The following KBTBD11 variants were observed in gnomAD, a reference collection of about 807,000 sequenced individuals.
KBTBD11 encodes the protein kelch repeat and BTB domain containing 11, also known as kelch repeat and BTB domain-containing protein 11.
For missense variants in KBTBD11, 1,390 were observed against 1,001.8 expected, an observed-to-expected ratio of 1.39 and a Z score of -5.23; for synonymous variants, 747 against 499.0, an observed-to-expected ratio of 1.50 and a Z score of -6.63.
chr8:1,998,816 C>G (rs1428909852), intron 1 of KBTBD11, among the ~76,000 whole-genome samples: 1 of 152,226 alleles, frequency 6.6e-6, no homozygotes, highest in Non-Finnish European at 1.5e-5. Flanking sequence ...TGGAAAGACT[C>G]TGCAGTCTTC....
At chr8:1,998,817 T>C (rs1817238231) in intron 1 of KBTBD11, among the ~76,000 whole-genome samples, 1 of 152,246 alleles carries the variant, frequency 6.6e-6, no homozygotes, top group Non-Finnish European at 1.5e-5. Context: ...GGAAAGACTC[T>C]GCAGTCTTCA....
In KBTBD11 at chr8:2,001,453, C is replaced by T. The variant is rs938022467; in HGVS notation, c.261C>T (p.Ser87=). ...QWEAGSAGAA[S]PEELASPEER... The stretch of plus-strand genomic sequence containing the variant: ...AGGCCGGCAGCGCGGGCGCCGCGTC[C>T]CCGGAGGAGCTCGCGTCCCCTGAGG... The change falls in exon 2 of 2, where the codon TCC becomes TCT. Residue 87 remains serine (S), a synonymous_variant. Coordinates refer to ENST00000320248, the MANE Select transcript of KBTBD11 (RefSeq NM_014867.3). 3 of 1,361,052 alleles carry T rather than the reference C, an allele frequency of 2.2e-6. No homozygotes were observed. The highest frequency in any genetic ancestry group is 2.8e-6 in the Non-Finnish European group (3 of 1,065,544). The allele number at this position is 1,361,052 out of a possible 1,614,324, so 84.3% of individuals were successfully genotyped here.
chr8:2,001,659 CG>C lies in KBTBD11; in HGVS notation c.469del (p.Val157CysfsTer23). ...GGGCGCCGGCTGCGCGCGCACAAGG[CG>C]GTGCTGGCGGCGCGCAGCGACTACT... ...VSGRRLRAHK[A>X]VLAARSDYFR... On this transcript the variant is annotated frameshift_variant, in exon 2 of 2. Transcript: ENST00000320248. LOFTEE classifies it low-confidence loss of function (END_TRUNC). 6.8e-7 allele frequency: 1 copy of C among 1,468,116 alleles called. No homozygotes were observed. The highest frequency in any genetic ancestry group is 1.5e-5 in the African/African-American group (1 of 67,998). 90.9% of individuals were successfully genotyped at this position (1,468,116 alleles called of 1,614,324 possible). A position where few individuals can be genotyped will look rare whatever the true frequency, so the allele number is the denominator to read the frequency against.
At chr8:1,981,535 T>C (rs995609594) in intron 1 of KBTBD11, among the ~76,000 whole-genome samples, 1 of 152,182 alleles carries the variant, frequency 6.6e-6, no homozygotes, top group Non-Finnish European at 1.5e-5. Context: ...GACACCCCAA[T>C]AGCTCGTAAA....
chr8:1,985,495 C>T (rs1383030530), intron 1 of KBTBD11, among the ~76,000 whole-genome samples: 2 of 152,284 alleles, frequency 1.3e-5, no homozygotes, highest in Non-Finnish European at 2.9e-5. Context: ...CGGCAAGCCA[C>T]ACACGGCAGC....
chr8:1,974,581 C>G (rs891747290), intron 1 of KBTBD11: 1 of 985,006 alleles, frequency 1.0e-6, no homozygotes, highest in Non-Finnish European at 1.2e-6. Context: ...TGCTGACCCC[C>G]GCGAGCCCCG....
chr8:1,992,618 T>G (rs963686046), intron 1 of KBTBD11, among the ~76,000 whole-genome samples: 3 of 152,034 alleles, frequency 2.0e-5, no homozygotes, highest in African/African-American at 7.3e-5. Context: ...AAAAAAAAAT[T>G]CATCCCAATC....
At chr8:1,989,536 G>A (rs1206513287) in intron 1 of KBTBD11, among the ~76,000 whole-genome samples, 1 of 152,130 alleles carries the variant, frequency 6.6e-6, no homozygotes, top group Non-Finnish European at 1.5e-5. Flanking sequence ...AAGGAATGAT[G>A]GAGTCACTAA....
intron 1 of KBTBD11, among the ~76,000 whole-genome samples, chr8:1,981,840 T>C (rs1167869471): frequency 2.6e-5 from 4 of 152,198 alleles, no homozygotes; most frequent in East Asian, 3.8e-4. Flanking sequence ...GACTGAGTTA[T>C]TCTATTCGCT....
Position 2,002,330 on chromosome 8 carries a change from G to T in KBTBD11, c.1138G>T (p.Asp380Tyr). 1.4e-6 allele frequency: 2 copies of T among 1,402,892 alleles called. No homozygotes were observed. The highest frequency in any genetic ancestry group is 2.7e-5 in the South Asian group (2 of 74,684). The allele number at this position is 1,402,892 out of a possible 1,614,324, so 86.9% of individuals were successfully genotyped here. A position where few individuals can be genotyped will look rare whatever the true frequency, so the allele number is the denominator to read the frequency against. Residue 380 changes from aspartate to tyrosine, a missense_variant, in exon 2 of 2, where the codon GAC (aspartate) becomes TAC (tyrosine). By Grantham distance (160) the Asp-to-Tyr change is radical (BLOSUM62 -3). Transcript: ENST00000320248. The surrounding 1 kb of genome is among the most constrained non-coding windows in gnomAD (Gnocchi z 4.1). ...AGPDGRARPS[D>Y]QVFCYNPATD... ...CCCCGACGGCCGCGCGCGCCCGTCCGACCAGGTCTTCTGCTACAACCCGGC... is the reference window on the plus strand; with the variant it reads ...CCCCGACGGCCGCGCGCGCCCGTCCTACCAGGTCTTCTGCTACAACCCGGC...
Position 2,001,436 on chromosome 8 carries a change from AGCGCGG to A in KBTBD11, c.249_254del (p.Gly84_Ala85del). 7.4e-7 allele frequency: 1 copy of A among 1,358,652 alleles called. No homozygotes were observed. The highest frequency in any genetic ancestry group is 9.4e-7 in the Non-Finnish European group (1 of 1,063,582). The allele number at this position is 1,358,652 out of a possible 1,614,324, so 84.2% of individuals were successfully genotyped here. On this transcript the variant is annotated inframe_deletion, in exon 2 of 2. Coordinates refer to ENST00000320248, the MANE Select transcript of KBTBD11 (RefSeq NM_014867.3). ...GGTGGAGCGGCAGTGGGAGGCCGGC[AGCGCGG>A]GCGCCGCGTCCCCGGAGGAGCTCGC...
At chr8:1,993,486 C>G (rs1363255783) in intron 1 of KBTBD11, among the ~76,000 whole-genome samples, 1 of 89,028 alleles carries the variant, frequency 1.1e-5, no homozygotes, top group African/African-American at 3.3e-5. Flanking sequence ...TCCATCTATC[C>G]GTCCATCCGT....
At chr8:1,976,469 G>T (rs1384405011) in intron 1 of KBTBD11, 2 of 152,174 alleles carry the variant, frequency 1.3e-5, no homozygotes, top group African/African-American at 4.8e-5. Context: ...TGTTGTCTTG[G>T]AAATAGAAAC....
At chr8:1,988,826 T>G (rs1816783977) in intron 1 of KBTBD11, among the ~76,000 whole-genome samples, 1 of 151,348 alleles carries the variant, frequency 6.6e-6, no homozygotes, top group Non-Finnish European at 1.5e-5. Flanking sequence ...CATATATGTC[T>G]GCTAAGTAAA....
At chr8:1,977,786 T>G (rs2129307999) in intron 1 of KBTBD11, among the ~76,000 whole-genome samples, 1 of 152,318 alleles carries the variant, frequency 6.6e-6, no homozygotes, top group South Asian at 2.1e-4. Flanking sequence ...TCTTCCTGCC[T>G]TGGCCTCCCA....
intron 1 of KBTBD11, among the ~76,000 whole-genome samples, chr8:1,982,446 A>G (rs1170303336): frequency 6.6e-6 from 1 of 152,168 alleles, no homozygotes; most frequent in African/African-American, 2.4e-5. Context: ...TCTCCAATCA[A>G]GAGACATAGA....
At chr8:1,985,445 A>G (rs987681942) in intron 1 of KBTBD11, among the ~76,000 whole-genome samples, 1 of 152,224 alleles carries the variant, frequency 6.6e-6, no homozygotes, top group Non-Finnish European at 1.5e-5. Flanking sequence ...TCCAGGGGAG[A>G]TGCTCTTCCA....
rs959438373 is a variant in KBTBD11 at position 2,003,363 on chromosome 8, G to A, written c.*299G>A. On this transcript the variant is annotated 3_prime_UTR_variant, in exon 2 of 2. Transcript: ENST00000320248. ...GGGTCAGCCTCAGGGTACAGTGGGGGTTCCTGAGGCAGCCTGCAGCCGGCC... is the reference window on the plus strand; with the variant it reads ...GGGTCAGCCTCAGGGTACAGTGGGGATTCCTGAGGCAGCCTGCAGCCGGCC... 4.2e-5 allele frequency: 13 copies of A among 309,704 alleles called. No individual in the cohort carries two copies. The highest frequency in any genetic ancestry group is 2.6e-4 in the African/African-American group (12 of 45,852). The allele number at this position is 309,704 out of a possible 1,614,324, so 19.2% of individuals were successfully genotyped here.
At chr8:1,993,921 C>CCCCACACACACA in intron 1 of KBTBD11, among the ~76,000 whole-genome samples, 1 of 39,378 alleles carries the variant, frequency 2.5e-5, no homozygotes, top group East Asian at 2.1e-3. Flanking sequence ...ACAATACCCC[C>CCCCACACACACA]TACACACACA....
Sources: gnomAD v4.1 joint callset for allele counts (sites outside exome capture counted in the v4.1 genomes callset) on GRCh38, gnomAD v4.1.1 for gene constraint, Gnocchi (gnomAD v3.1) non-coding constraint, MANE v1.5 for transcripts, NCBI Gene and HGNC (gene_info 2026-07-23, HGNC 2026-07-21) for gene names.